The following TNC variants were observed in gnomAD, a reference collection of about 807,000 sequenced individuals.
TNC encodes the protein tenascin C.
In TNC, 109 loss-of-function variants were observed where a neutral mutation model predicts 202.4. The ratio of observed to expected loss-of-function variants is 0.54; its 90% CI spans 0.46 to 0.63. TNC has a LOEUF of 0.63. TNC is among the 30% of genes least tolerant of loss of function. TNC has a pLI of 0.00. For synonymous variants in TNC, 1,007 were observed against 1,089.7 expected (o/e 0.92, Z 1.50); for missense variants, 2,756 against 2,833.3 (o/e 0.97, Z 0.62).
intron 1 of TNC, among the ~76,000 whole-genome samples, chr9:115,114,580 T>C (rs984816528): frequency 1.3e-5 from 2 of 152,130 alleles, no homozygotes; most frequent in South Asian, 4.1e-4. Context: ...TGAAAAATGA[T>C]ACATGCAGGG....
chr9:115,093,282 G>A (rs531716053), intron 1 of TNC, among the ~76,000 whole-genome samples: 3 of 152,048 alleles, frequency 2.0e-5, no homozygotes, highest in Non-Finnish European at 4.4e-5. Flanking sequence ...TTTACCAACT[G>A]TCCCTGTAAT....
intron 1 of TNC, among the ~76,000 whole-genome samples, chr9:115,094,238 T>C (rs1012905093): frequency 6.6e-6 from 1 of 152,186 alleles, no homozygotes; most frequent in Non-Finnish European, 1.5e-5. Context: ...CAAGAGTCCA[T>C]GTCAATAGCC....
intron 16 of TNC, among the ~76,000 whole-genome samples, chr9:115,046,946 T>C (rs1434181520): frequency 6.6e-6 from 1 of 152,182 alleles, no homozygotes; most frequent in Non-Finnish European, 1.5e-5. Context: ...ATTCAGTAAA[T>C]CCACATCTGG....
intron 24 of TNC, 34 bp downstream of exon 24, chr9:115,030,220 G>C: frequency 6.3e-7 from 1 of 1,576,822 alleles, no homozygotes; most frequent in Non-Finnish European, 8.7e-7. Context: ...CTTCCCCTAG[G>C]CCTGAGGGCT....
At chr9:115,048,166 T>C in intron 16 of TNC, 94 bp downstream of exon 16, 1 of 1,444,326 alleles carries the variant, frequency 6.9e-7, no homozygotes, top group Non-Finnish European at 9.4e-7. Context: ...GTAGGGAATG[T>C]GAACAAAGAT....
Position 115,031,703 on chromosome 9 carries a change from A to T in TNC, c.5788-18T>A. The T allele has an allele frequency of 5.6e-6, 9 of 1,603,272 alleles. No homozygotes were observed. Among genetic ancestry groups the T allele is most frequent in the Non-Finnish European group, 7.6e-6 (9 of 1,176,582 alleles). On this transcript the variant is annotated intron_variant, in intron 22 of 27. Coordinates refer to ENST00000350763, the MANE Select transcript of TNC (RefSeq NM_002160.4). ...ATGACTTCCTAAGAGCAGAAGAAAAAGTATAATGGCTTTTGGTCACAGAAA... is the reference window on the plus strand; with the variant it reads ...ATGACTTCCTAAGAGCAGAAGAAAATGTATAATGGCTTTTGGTCACAGAAA...
intron 2 of TNC, among the ~76,000 whole-genome samples, chr9:115,087,698 C>CTTTTT (rs752435283): frequency 2.7e-4 from 32 of 119,732 alleles, no homozygotes; most frequent in African/African-American, 6.1e-4. Flanking sequence ...TCTTTCTTTT[C>CTTTTT]TTTTTTTTTT....
At chr9:115,089,271 T>C (rs1835026505) in intron 2 of TNC, among the ~76,000 whole-genome samples, 2 of 152,344 alleles carry the variant, frequency 1.3e-5, no homozygotes, top group East Asian at 1.9e-4. Flanking sequence ...GAAGAACATT[T>C]TGGTAATTTT....
At chr9:115,077,796 A>T in intron 7 of TNC, 147 bp downstream of exon 7, 1 of 849,740 alleles carries the variant, frequency 1.2e-6, no homozygotes, top group Non-Finnish European at 1.7e-6. Flanking sequence ...ATAAATTGCT[A>T]CAATATTTTA....
In TNC at chr9:115,105,601, T is replaced by C. The variant is rs369150267; in HGVS notation, c.-137+12381A>G. Among the ~76,000 whole-genome samples the C allele has an allele frequency of 9.2e-5, 14 of 152,156 alleles. No individual in the cohort carries two copies. The East Asian group carries it at 1.9e-3, about 21-fold the overall frequency. ...CAGAGAAACTACTGGTAATGAAATATCTTTATGATCTACAGGCAGGACAGG... is the reference window on the plus strand; with the variant it reads ...CAGAGAAACTACTGGTAATGAAATACCTTTATGATCTACAGGCAGGACAGG... On this transcript the variant is annotated intron_variant, in intron 1 of 27. Transcript: ENST00000350763.
intron 1 of TNC, among the ~76,000 whole-genome samples, chr9:115,106,584 A>T (rs1836632190): frequency 6.6e-6 from 1 of 152,208 alleles, no homozygotes; most frequent in South Asian, 2.1e-4. Flanking sequence ...TCTGTGTCTT[A>T]GGCAAATCTT....
chr9:115,077,313 C>T (rs1451737333), intron 7 of TNC, among the ~76,000 whole-genome samples: 1 of 152,210 alleles, frequency 6.6e-6, no homozygotes, highest in Admixed American at 6.5e-5. Flanking sequence ...GCCTTGGCCT[C>T]CCAAAGTGCT....
chr9:115,067,325 C>T, intron 10 of TNC, among the ~76,000 whole-genome samples: 1 of 150,338 alleles, frequency 6.7e-6, no homozygotes, highest in East Asian at 1.9e-4. Context: ...CTTAGCTCTC[C>T]TTCTTATCCC....
At chr9:115,074,973 A>G (rs12551695) in intron 9 of TNC, among the ~76,000 whole-genome samples, 49,446 of 151,882 alleles carry the variant, frequency 0.33, 8,179 homozygotes, top group Middle Eastern at 0.37. Flanking sequence ...CTTTCTCACA[A>G]TTGCATGTGA....
Position 115,060,105 on chromosome 9 carries a change from A to AT in TNC, c.4034-104dup, listed in dbSNP as rs565244272. 0.014 allele frequency: 15,438 copies of AT among 1,074,962 alleles called. 8 individuals carry two copies. The highest frequency in any genetic ancestry group is 0.022 in the African/African-American group (1,363 of 60,882). 66.6% of individuals were successfully genotyped at this position (1,074,962 alleles called of 1,614,324 possible). On this transcript the variant is annotated intron_variant, in intron 13 of 27. Coordinates refer to ENST00000350763, the MANE Select transcript of TNC (RefSeq NM_002160.4). ...AGGAAAGAGAGAAAGGGGAAAGATA[A>AT]TTTTTTTTTTTAATTCTTGGTCTCT...
chr9:115,028,422 A>G (rs1829678934), intron 25 of TNC, among the ~76,000 whole-genome samples: 1 of 152,100 alleles, frequency 6.6e-6, no homozygotes, highest in Non-Finnish European at 1.5e-5. Flanking sequence ...GGCTCTAAGA[A>G]ACCCATCTTA....
chr9:115,076,333 TC>T, intron 8 of TNC, 56 bp downstream of exon 8: 2 of 1,588,880 alleles, frequency 1.3e-6, no homozygotes, highest in Non-Finnish European at 1.7e-6. Context: ...CAGGTGCCCA[TC>T]CTTTAAGGGC....
At chr9:115,062,704 G>A (rs1254120091) in intron 13 of TNC, among the ~76,000 whole-genome samples, 2 of 151,368 alleles carry the variant, frequency 1.3e-5, no homozygotes, top group African/African-American at 2.4e-5. Flanking sequence ...TTGTGTGTGT[G>A]TATATATGTG....
Position 115,057,401 on chromosome 9 carries a change from A to G in TNC, c.4331T>C (p.Leu1444Ser). ...CTCGGGAGTTATGTCAGAAACATTT[A>G]AGTTTCCAATTTCAGGTTCTTTGGC... is the stretch of plus-strand genomic sequence containing the variant. Reference protein sequence around the residue: ...STAKEPEIGNLNVSDITPESF... With the variant: ...STAKEPEIGNSNVSDITPESF... Residue 1444 changes from leucine (L) to serine (S), a missense_variant, in exon 15 of 28, where the codon TTA (leucine) becomes TCA (serine). By Grantham distance (145) the Leu-to-Ser change is moderately radical (BLOSUM62 -2). Around this residue, in one of 2 missense-constraint regions of TNC, gnomAD observed 2,559 missense variants for 2,546.0 expected, o/e 1.01. Transcript: ENST00000350763. The G allele has an allele frequency of 6.2e-7, 1 of 1,611,014 alleles. No homozygotes were observed. The highest frequency in any genetic ancestry group is 8.5e-7 in the Non-Finnish European group (1 of 1,179,344).
Sources: allele counts gnomAD v4.1 joint callset (sites outside exome capture counted in the v4.1 genomes callset), GRCh38; gene constraint gnomAD v4.1.1; regional missense constraint gnomAD v4.1.1; transcripts MANE v1.5; gene names NCBI Gene and HGNC (gene_info 2026-07-23, HGNC 2026-07-21).